The following ZNF618 variants were observed in gnomAD, a reference collection of about 807,000 sequenced individuals.
ZNF618 encodes the protein zinc finger protein 618.
A neutral mutation model predicts 103.0 loss-of-function variants in ZNF618; 34 were observed. The ratio of observed to expected loss-of-function variants is 0.33; its 90% CI spans 0.25 to 0.44. ZNF618 has a LOEUF of 0.44. Ranked by LOEUF, ZNF618 falls within the 20% of genes least tolerant of loss-of-function variation. ZNF618 has a pLI of 1.00. For synonymous variants in ZNF618, 551 were observed against 542.2 expected (o/e 1.02, Z -0.23); for missense variants, 1,059 against 1,295.4 (o/e 0.82, Z 2.80).
intron 13 of ZNF618, among the ~76,000 whole-genome samples, chr9:114,044,212 G>C (rs1845462020): frequency 6.6e-6 from 1 of 152,086 alleles, no homozygotes; most frequent in African/African-American, 2.4e-5. Flanking sequence ...ATCTTGAGTT[G>C]ATTTTTTGTG....
At chr9:114,007,702 C>T (rs1340380221) in intron 7 of ZNF618, among the ~76,000 whole-genome samples, 1 of 152,120 alleles carries the variant, frequency 6.6e-6, no homozygotes, top group Non-Finnish European at 1.5e-5. Context: ...ATTGGAATTT[C>T]GTATCGAGTC....
At chr9:113,911,592 G>A (rs977978620) in intron 1 of ZNF618, among the ~76,000 whole-genome samples, 1 of 152,126 alleles carries the variant, frequency 6.6e-6, no homozygotes, top group Non-Finnish European at 1.5e-5. Context: ...GCCTCCCAAC[G>A]TGCTGGGATC....
intron 10 of ZNF618, among the ~76,000 whole-genome samples, chr9:114,025,799 A>G (rs1195101528): frequency 1.3e-5 from 2 of 152,146 alleles, no homozygotes; most frequent in African/African-American, 2.4e-5. Context: ...CCTCATTGGG[A>G]TCCCATCTTT....
intron 2 of ZNF618, among the ~76,000 whole-genome samples, chr9:113,975,810 G>A (rs967063483): frequency 3.9e-5 from 6 of 152,192 alleles, no homozygotes; most frequent in African/African-American, 1.2e-4. Context: ...TGAGAACGGG[G>A]TATGTTTTGG....
At position 114,022,601 on chromosome 9, in the gene ZNF618, C is replaced by CAAAAAAAA. The variant is rs56235947; in HGVS notation, c.844+5830_844+5837dup. Among the ~76,000 whole-genome samples the CAAAAAAAA allele has an allele frequency of 4.4e-5, 4 of 90,780 alleles. 1 individual carries two copies. Among genetic ancestry groups the CAAAAAAAA allele is most frequent in the Non-Finnish European group, 6.2e-5 (3 of 48,780 alleles). The allele number at this position is 90,780 out of a possible 152,430, so 59.6% of individuals were successfully genotyped here. On this transcript the variant is annotated intron_variant, in intron 10 of 14. Transcript: ENST00000374126. ...TGCTGCGGTTTCATGTCCACTTGAC[C>CAAAAAAAA]AAAAAAAAAAAAAAAAAAAAGGCAT...
At chr9:113,934,438 C>G (rs79370158) in intron 1 of ZNF618, among the ~76,000 whole-genome samples, 6,354 of 152,144 alleles carry the variant, frequency 0.042, 573 homozygotes, top group East Asian at 0.3. Flanking sequence ...TTACACGAAC[C>G]TCCTCTGTGG....
At chr9:113,913,330 C>G (rs1831738128) in intron 1 of ZNF618, among the ~76,000 whole-genome samples, 1 of 152,234 alleles carries the variant, frequency 6.6e-6, no homozygotes, top group Non-Finnish European at 1.5e-5. Context: ...ATTGCTGTCC[C>G]TCAAAGTCTG....
chr9:113,922,128 A>G (rs141538101), intron 1 of ZNF618, among the ~76,000 whole-genome samples: 1 of 152,318 alleles, frequency 6.6e-6, no homozygotes, highest in East Asian at 1.9e-4. Context: ...TATTTATTGA[A>G]CTCCTACTCT....
intron 1 of ZNF618, among the ~76,000 whole-genome samples, chr9:113,960,714 G>A (rs1367534649): frequency 4.6e-5 from 7 of 152,222 alleles, no homozygotes; most frequent in African/African-American, 1.2e-4. Context: ...GGCCTCCTGC[G>A]GAGAAGATGC....
chr9:113,975,119 C>T (rs956379184), intron 2 of ZNF618, among the ~76,000 whole-genome samples: 2 of 152,064 alleles, frequency 1.3e-5, no homozygotes, highest in African/African-American at 4.8e-5. Flanking sequence ...CTTGTAGAGC[C>T]TGGACATTGG....
At chr9:114,021,958 C>T (rs1843106562) in intron 10 of ZNF618, among the ~76,000 whole-genome samples, 1 of 152,020 alleles carries the variant, frequency 6.6e-6, no homozygotes, top group Admixed American at 6.5e-5. Context: ...ATTCCATTTC[C>T]AGATATACAT....
intron 12 of ZNF618, chr9:114,035,263 G>C: frequency 1.0e-6 from 1 of 986,032 alleles, no homozygotes; most frequent in South Asian, 4.7e-5. Context: ...TGGGGGGCTG[G>C]AGAGGGCAAG....
intron 1 of ZNF618, among the ~76,000 whole-genome samples, chr9:113,894,244 G>GTTT (rs1829852904): frequency 6.6e-6 from 1 of 151,974 alleles, no homozygotes; most frequent in East Asian, 1.9e-4. Context: ...GTTTGTATTT[G>GTTT]GAGGATGATT....
chr9:113,896,084 A>G (rs1830015582), intron 1 of ZNF618, among the ~76,000 whole-genome samples: 2 of 151,860 alleles, frequency 1.3e-5, no homozygotes, highest in South Asian at 2.1e-4. Context: ...CCTTGGTTGA[A>G]TGACTGGTAT....
At chr9:113,948,390 C>T (rs777330810) in intron 1 of ZNF618, among the ~76,000 whole-genome samples, 1 of 152,214 alleles carries the variant, frequency 6.6e-6, no homozygotes, top group Non-Finnish European at 1.5e-5. Context: ...CCTGAGTCTT[C>T]TCTGGAAATC....
Position 114,048,806 on chromosome 9 carries a change from A to G in ZNF618, c.1504A>G (p.Ser502Gly). The change falls in exon 15 of 15, where the codon AGT becomes GGT. Residue 502 changes from serine (S) to glycine (G), a missense_variant. Physicochemically the swap from Ser to Gly is moderately conservative, Grantham distance 56. Transcript: ENST00000374126. ...GAAGTTGGCCCAGACCTTAGTAGAC[A>G]GTGGTGCCCGCTATGGGGCCTTCTC... ...FLKLAQTLVD[S>G]GARYGAFSVT... The G allele has an allele frequency of 6.2e-7, 1 of 1,613,888 alleles. No homozygotes were observed. Among genetic ancestry groups the G allele is most frequent in the South Asian group, 1.1e-5 (1 of 91,054 alleles).
At chr9:113,981,678 C>G (rs529752612) in intron 2 of ZNF618, among the ~76,000 whole-genome samples, 3 of 152,338 alleles carry the variant, frequency 2.0e-5, no homozygotes, top group Admixed American at 6.5e-5. Context: ...CTTTGGGCTT[C>G]AGATCCACTG....
rs1463447709 is a variant in ZNF618 at position 113,932,815 on chromosome 9, CTG to C, written c.34-36301_34-36300del. Among the ~76,000 whole-genome samples the C allele has an allele frequency of 2.6e-5, 4 of 152,198 alleles. No homozygotes were observed. In the South Asian group the frequency reaches 6.2e-4, roughly 24 times the overall value. ...CCATTAGGTGAATTTTAAGATGCCT[CTG>C]AGGTGCCCCAGTGCTGATGTTATGT... On this transcript the variant is annotated intron_variant, in intron 1 of 14. Coordinates refer to ENST00000374126, the MANE Select transcript of ZNF618 (RefSeq NM_001318042.2).
chr9:113,969,061 G>C (rs552291340), intron 1 of ZNF618, 56 bp from the exon 2 acceptor site: 2 of 1,606,718 alleles, frequency 1.2e-6, no homozygotes, highest in South Asian at 2.2e-5. Context: ...GTGGCAGCAG[G>C]TCAAATCTGC....
Sources: allele counts gnomAD v4.1 joint callset (sites outside exome capture counted in the v4.1 genomes callset), GRCh38; gene constraint gnomAD v4.1.1; transcripts MANE v1.5; gene names NCBI Gene and HGNC (gene_info 2026-07-23, HGNC 2026-07-21).